Variants in NEDD4L observed in about 807,000 individuals in gnomAD.
The protein encoded by NEDD4L is NEDD4 like E3 ubiquitin protein ligase, also known as E3 ubiquitin-protein ligase NEDD4-like.
A neutral mutation model predicts 148.9 loss-of-function variants in NEDD4L; 54 were observed. The ratio of observed to expected loss-of-function variants is 0.36; its 90% CI spans 0.29 to 0.45. The LOEUF (loss-of-function observed/expected upper bound fraction) is 0.45, where lower values mean the gene tolerates loss of function less well. NEDD4L is among the 20% of genes least tolerant of loss of function. The pLI is 1.00. For missense variants in NEDD4L, 856 were observed against 1,233.8 expected, an observed-to-expected ratio of 0.69 and a Z score of 4.59; for synonymous variants, 433 against 440.7, an observed-to-expected ratio of 0.98 and a Z score of 0.22.
intron 16 of NEDD4L, among the ~76,000 whole-genome samples, chr18:58,343,911 A>C (rs926807967): frequency 6.6e-6 from 1 of 152,208 alleles, no homozygotes; most frequent in African/African-American, 2.4e-5. Context: ...AATTACACTG[A>C]AACCGGTTCC....
intron 24 of NEDD4L, among the ~76,000 whole-genome samples, chr18:58,382,239 T>C (rs1436578441): frequency 6.6e-6 from 1 of 152,118 alleles, no homozygotes; most frequent in Non-Finnish European, 1.5e-5. Context: ...GGGCTCAGGA[T>C]CTCCTGGGTG....
chr18:58,165,379 C>T (rs1055449821), intron 1 of NEDD4L, among the ~76,000 whole-genome samples: 2 of 152,148 alleles, frequency 1.3e-5, no homozygotes, highest in African/African-American at 4.8e-5. Flanking sequence ...TTTTCTATTG[C>T]AGGTCACATA....
chr18:58,191,721 A>G (rs2040141754), intron 2 of NEDD4L, among the ~76,000 whole-genome samples: 1 of 152,242 alleles, frequency 6.6e-6, no homozygotes, highest in African/African-American at 2.4e-5. Flanking sequence ...TAACAGGCAT[A>G]TAATTGGTGA....
intron 2 of NEDD4L, among the ~76,000 whole-genome samples, chr18:58,180,499 C>G (rs565576): frequency 0.11 from 16,668 of 152,202 alleles, 2,257 homozygotes; most frequent in African/African-American, 0.32. Context: ...TCCCTACCCC[C>G]TTTCTGTGCT....
intron 5 of NEDD4L, among the ~76,000 whole-genome samples, chr18:58,312,136 G>A (rs142097996): frequency 6.6e-6 from 1 of 152,324 alleles, no homozygotes; most frequent in Non-Finnish European, 1.5e-5. Context: ...GATAGGACAC[G>A]TTTCAGGGGC....
chr18:58,192,856 GA>G (rs112590001), intron 2 of NEDD4L, among the ~76,000 whole-genome samples: 2 of 151,984 alleles, frequency 1.3e-5, no homozygotes, highest in Admixed American at 6.6e-5. Context: ...TTCCAGATGT[GA>G]AAAAAAGAAA....
chr18:58,191,964 A>G, intron 2 of NEDD4L, among the ~76,000 whole-genome samples: 1 of 152,168 alleles, frequency 6.6e-6, no homozygotes, highest in East Asian at 1.9e-4. Context: ...TGAGTTCAGG[A>G]GTTTGAGACC....
At chr18:58,126,913 G>A (rs1003210130) in intron 1 of NEDD4L, among the ~76,000 whole-genome samples, 1 of 152,260 alleles carries the variant, frequency 6.6e-6, no homozygotes, top group Admixed American at 6.5e-5. Context: ...GCACCCAGGG[G>A]TGAGGTGCCT....
intron 1 of NEDD4L, chr18:58,046,318 T>C (rs1398937097): frequency 2.7e-5 from 4 of 150,792 alleles, no homozygotes; most frequent in Non-Finnish European, 5.9e-5. Context: ...TACTTCTCCA[T>C]TTAATTAGTG....
chr18:58,122,792 A>G (rs1333545392), intron 1 of NEDD4L, among the ~76,000 whole-genome samples: 3 of 151,784 alleles, frequency 2.0e-5, no homozygotes, highest in South Asian at 2.1e-4. Flanking sequence ...CTGGAGTGCA[A>G]TGGCATGATC....
At chr18:58,325,576 G>C (rs1382121485) in intron 9 of NEDD4L, among the ~76,000 whole-genome samples, 1 of 152,126 alleles carries the variant, frequency 6.6e-6, no homozygotes, top group Non-Finnish European at 1.5e-5. Flanking sequence ...TAAGTTTTTG[G>C]ATGTTTACTC....
At position 58,396,307 on chromosome 18, in the gene NEDD4L, G is replaced by C; in HGVS notation, c.*38G>C. On this transcript the variant is annotated 3_prime_UTR_variant, in exon 31 of 31. Coordinates refer to ENST00000400345, the MANE Select transcript of NEDD4L (RefSeq NM_001144967.3). ...TCGGGGGTGGTTGTTCTTCAAGCAA[G>C]TTCTGCTTGCACTTTTGCATTTGCC... The C allele has an allele frequency of 7.2e-7, 1 of 1,387,866 alleles. No individual in the cohort carries two copies. The highest frequency in any genetic ancestry group is 1.0e-6 in the Non-Finnish European group (1 of 982,674). The allele number at this position is 1,387,866 out of a possible 1,614,324, so 86.0% of individuals were successfully genotyped here. A position where few individuals can be genotyped will look rare whatever the true frequency, so the allele number is the denominator to read the frequency against.
chr18:58,351,248 C>A, intron 18 of NEDD4L: 1 of 858,032 alleles, frequency 1.2e-6, no homozygotes, highest in Non-Finnish European at 1.4e-6. Flanking sequence ...ATCAAACTTT[C>A]ACCCAATCTG....
intron 2 of NEDD4L, among the ~76,000 whole-genome samples, chr18:58,204,327 C>CAA (rs887691978): frequency 7.0e-6 from 1 of 143,798 alleles, no homozygotes; most frequent in African/African-American, 2.5e-5. Context: ...GACTCCTTCT[C>CAA]AAAAAAAAAA....
chr18:58,112,966 G>C (rs568993173), intron 1 of NEDD4L, among the ~76,000 whole-genome samples: 1 of 152,334 alleles, frequency 6.6e-6, no homozygotes, highest in East Asian at 1.9e-4. Flanking sequence ...AAGAGGCCAA[G>C]TGAGCTTGTT....
At position 58,071,477 on chromosome 18, in the gene NEDD4L, A is replaced by G. The variant is rs72942927; in HGVS notation, c.48+26769A>G. On this transcript the variant is annotated intron_variant, in intron 1 of 30. Coordinates refer to ENST00000400345, the MANE Select transcript of NEDD4L (RefSeq NM_001144967.3). ...TATGAACTGGCAGAAGAATCAGTGA[A>G]CTGGAAGACAGGTCATTTGAGATAG... is the stretch of plus-strand genomic sequence containing the variant. 4.6e-3 allele frequency among the ~76,000 whole-genome samples: 697 copies of G among 152,346 alleles called. 3 individuals carry two copies. Among genetic ancestry groups the G allele is most frequent in the Non-Finnish European group, 6.7e-3 (456 of 68,024 alleles).
intron 5 of NEDD4L, among the ~76,000 whole-genome samples, chr18:58,315,131 C>G (rs8087044): frequency 1.8e-4 from 27 of 151,712 alleles, no homozygotes; most frequent in African/African-American, 6.1e-4. Context: ...CCAGCTGCAT[C>G]TTTTTATATG....
intron 5 of NEDD4L, among the ~76,000 whole-genome samples, chr18:58,298,395 A>G (rs990591767): frequency 6.6e-6 from 1 of 152,196 alleles, no homozygotes; most frequent in African/African-American, 2.4e-5. Flanking sequence ...AACAATATAG[A>G]AGACAATCCT....
At position 58,122,441 on chromosome 18, in the gene NEDD4L, G is replaced by A. The variant is rs1418774243; in HGVS notation, c.49-43347G>A. On this transcript the variant is annotated intron_variant, in intron 1 of 30. Transcript: ENST00000400345. ...CTTGAACCCAGGAGGAGGTTCCAGT[G>A]AGCCGAAATTGCGCCATTGCACTCC... Among the ~76,000 whole-genome samples the A allele has an allele frequency of 2.6e-5, 4 of 152,262 alleles. No individual in the cohort carries two copies. The South Asian group carries it at 6.2e-4, about 24-fold the overall frequency.
Sources: allele counts gnomAD v4.1 joint callset (sites outside exome capture counted in the v4.1 genomes callset), GRCh38; gene constraint gnomAD v4.1.1; transcripts MANE v1.5; gene names NCBI Gene and HGNC (gene_info 2026-07-23, HGNC 2026-07-21).